KCNN2: variants seen among roughly 807,000 people sequenced by gnomAD.
KCNN2 encodes the protein small conductance calcium-activated potassium channel protein 2.
Under a neutral mutation model 55.5 loss-of-function variants are expected in KCNN2, and 24 were observed. That is an observed-to-expected ratio of 0.43 (90% confidence interval 0.31 to 0.61). KCNN2 has a LOEUF of 0.61. Among genes scored for constraint, KCNN2 ranks in the 20% least tolerant of loss-of-function variants. KCNN2 has a pLI of 0.08. For missense variants in KCNN2, 754 were observed against 853.6 expected (o/e 0.88, Z 1.45); for synonymous variants, 431 against 336.1 (o/e 1.28, Z -3.09).
intron 1 of KCNN2, among the ~76,000 whole-genome samples, chr5:114,105,226 C>A (rs1253622886): frequency 1.3e-5 from 2 of 152,022 alleles, no homozygotes; most frequent in African/African-American, 2.4e-5. Flanking sequence ...GCACACAGAT[C>A]ATCTTCAGAG....
intron 1 of KCNN2, among the ~76,000 whole-genome samples, chr5:114,062,654 A>T (rs1266537774): frequency 1.1e-4 from 16 of 152,206 alleles, no homozygotes; most frequent in Admixed American, 1.0e-3. Flanking sequence ...ATTAGCAAAA[A>T]GTCTCAATTA....
At chr5:114,395,738 C>T (rs946660398) in intron 2 of KCNN2, among the ~76,000 whole-genome samples, 1 of 152,128 alleles carries the variant, frequency 6.6e-6, no homozygotes, top group Non-Finnish European at 1.5e-5. Context: ...TACCACTGGA[C>T]AGTTTTTAAT....
chr5:114,203,481 C>G (rs146224371), intron 1 of KCNN2, among the ~76,000 whole-genome samples: 4 of 152,294 alleles, frequency 2.6e-5, no homozygotes, highest in African/African-American at 9.6e-5. Context: ...TTATCCTTCT[C>G]TGAGGCTAAT....
intron 1 of KCNN2, among the ~76,000 whole-genome samples, chr5:114,126,880 G>T (rs978574753): frequency 6.6e-6 from 1 of 152,142 alleles, no homozygotes; most frequent in Non-Finnish European, 1.5e-5. Flanking sequence ...CCAAATGGGA[G>T]AAATTGGCCA....
intron 2 of KCNN2, among the ~76,000 whole-genome samples, chr5:114,231,575 T>C (rs1473713962): frequency 6.6e-6 from 1 of 151,200 alleles, no homozygotes; most frequent in African/African-American, 2.5e-5. Context: ...GTTTACATGA[T>C]GGTAGATGAT....
At chr5:114,245,275 G>C (rs1227935650) in intron 2 of KCNN2, among the ~76,000 whole-genome samples, 4 of 152,222 alleles carry the variant, frequency 2.6e-5, no homozygotes, top group African/African-American at 4.8e-5. Flanking sequence ...AGGTAGAGAG[G>C]TATTTGGGTG....
At chr5:114,056,015 C>T (rs956535468), upstream of KCNN2, 5 of 220,866 alleles carry the variant, frequency 2.3e-5, no homozygotes, top group Admixed American at 2.3e-4. Flanking sequence ...ATTCGGGCCC[C>T]CGCCTGCAGG....
intron 2 of KCNN2, among the ~76,000 whole-genome samples, chr5:114,302,752 T>G (rs1027882694): frequency 6.6e-6 from 1 of 152,056 alleles, no homozygotes; most frequent in Non-Finnish European, 1.5e-5. Context: ...TGCAAACAGT[T>G]TACAACCAGG....
At chr5:114,147,495 G>A (rs1490462274) in intron 1 of KCNN2, among the ~76,000 whole-genome samples, 1 of 152,144 alleles carries the variant, frequency 6.6e-6, no homozygotes, top group African/African-American at 2.4e-5. Context: ...CATTCAACAA[G>A]AGAATCATTT....
At chr5:114,426,168 A>AAATG (rs1759617484) in intron 3 of KCNN2, among the ~76,000 whole-genome samples, 1 of 152,156 alleles carries the variant, frequency 6.6e-6, no homozygotes, top group Non-Finnish European at 1.5e-5. Context: ...CTCAAAAAAA[A>AAATG]AATGTGAAAA....
intron 2 of KCNN2, among the ~76,000 whole-genome samples, chr5:114,364,855 G>A (rs763416815): frequency 4.6e-5 from 7 of 151,680 alleles, no homozygotes; most frequent in Non-Finnish European, 1.0e-4. Flanking sequence ...GCTCAGTCCT[G>A]TGGTCCTGGT....
chr5:114,361,181 G>C (rs2150043982), upstream of KCNN2: 1 of 152,332 alleles, frequency 6.6e-6, no homozygotes, highest in East Asian at 1.9e-4. Context: ...AAAGCCCTCC[G>C]CCCCCGCCAG....
intron 2 of KCNN2, among the ~76,000 whole-genome samples, chr5:114,364,474 A>G (rs1757543545): frequency 6.6e-6 from 1 of 152,206 alleles, no homozygotes; most frequent in African/African-American, 2.4e-5. Context: ...TAAATGAGAT[A>G]TGGGAAAAGA....
intron 2 of KCNN2, among the ~76,000 whole-genome samples, chr5:114,333,915 A>C (rs954045092): frequency 3.3e-5 from 5 of 151,974 alleles, no homozygotes; most frequent in African/African-American, 4.8e-5. Context: ...TTTTTTCTTC[A>C]ACTTCTTTAA....
chr5:114,401,109 A>G (rs2150069271), intron 2 of KCNN2, among the ~76,000 whole-genome samples: 1 of 152,146 alleles, frequency 6.6e-6, no homozygotes, highest in South Asian at 2.1e-4. Context: ...TACACTGGAT[A>G]AGTAAATGAA....
intron 2 of KCNN2, among the ~76,000 whole-genome samples, chr5:114,240,283 G>A (rs1461265787): frequency 6.6e-6 from 1 of 151,788 alleles, no homozygotes; most frequent in Non-Finnish European, 1.5e-5. Flanking sequence ...TGTTAGACAA[G>A]AATTGGTGAA....
chr5:114,060,052 G>T (rs1269549628), intron 1 of KCNN2, among the ~76,000 whole-genome samples: 1 of 152,258 alleles, frequency 6.6e-6, no homozygotes, highest in Non-Finnish European at 1.5e-5. Flanking sequence ...TAGCCCCACA[G>T]TACCTCAGGC....
intron 5 of KCNN2, among the ~76,000 whole-genome samples, chr5:114,480,267 G>A (rs1484998942): frequency 6.6e-6 from 1 of 152,040 alleles, no homozygotes; most frequent in Non-Finnish European, 1.5e-5. Context: ...TAGAAGAAAT[G>A]GATAAATTCC....
intron 2 of KCNN2, among the ~76,000 whole-genome samples, chr5:114,373,683 A>G (rs1403187010): frequency 2.2e-5 from 2 of 89,330 alleles, no homozygotes; most frequent in Admixed American, 2.8e-4. Flanking sequence ...ACTGCCTGGC[A>G]TGTGGTAAGG....
Sources: gnomAD v4.1 joint callset for allele counts (sites outside exome capture counted in the v4.1 genomes callset) on GRCh38, gnomAD v4.1.1 for gene constraint, MANE v1.5 for transcripts, NCBI Gene and HGNC (gene_info 2026-07-23, HGNC 2026-07-21) for gene names.